Variants in LARS2 observed in about 807,000 individuals in gnomAD.
LARS2 encodes leucyl-tRNA synthetase 2, mitochondrial, also known as leucine--tRNA ligase, mitochondrial.
A neutral mutation model predicts 116.6 loss-of-function variants in LARS2; 81 were observed. The ratio of observed to expected loss-of-function variants is 0.69; its 90% CI spans 0.58 to 0.84. LARS2 has a LOEUF of 0.84. LARS2 is among the 40% of genes least tolerant of loss of function. The pLI, the probability that LARS2 is intolerant of heterozygous loss-of-function variation, is 0.00. For synonymous variants in LARS2, 396 were observed against 407.2 expected (o/e 0.97, Z 0.33); for missense variants, 968 against 1,114.5 (o/e 0.87, Z 1.87).
At chr3:45,492,247 A>G (rs930193046) in intron 13 of LARS2, among the ~76,000 whole-genome samples, 3 of 152,220 alleles carry the variant, frequency 2.0e-5, no homozygotes, top group African/African-American at 7.2e-5. Flanking sequence ...AGTAGTTGCT[A>G]AGAGAGCAAG....
chr3:45,544,544 A>G (rs1235779424), intron 21 of LARS2, among the ~76,000 whole-genome samples: 3 of 152,176 alleles, frequency 2.0e-5, no homozygotes, highest in Non-Finnish European at 4.4e-5. Flanking sequence ...AGAACTTCCC[A>G]GGTGTGAGCT....
rs780865850 is a variant in LARS2, at chr3:45,394,673, A to G, written c.220A>G (p.Ile74Val). Residue 74 changes from isoleucine (I) to valine (V), a missense_variant, in exon 3 of 22, where the codon ATT (isoleucine) becomes GTT (valine). Coordinates refer to ENST00000645846, the MANE Select transcript of LARS2 (RefSeq NM_015340.4). The part of the protein sequence containing the change: ...HQRIKEQASK[I>V]SEADKSKPKF... ...ACGAATAAAAGAACAGGCCTCCAAA[A>G]TTTCAGAAGCTGATGTGAGTATTCT... The G allele has an allele frequency of 4.3e-6, 7 of 1,611,730 alleles. No homozygotes were observed. The Admixed American group carries it at 1.2e-4, about 27-fold the overall frequency.
chr3:45,505,650 C>T (rs888253662), intron 15 of LARS2, among the ~76,000 whole-genome samples: 2 of 151,968 alleles, frequency 1.3e-5, no homozygotes, highest in African/African-American at 2.4e-5. Flanking sequence ...ATGATTGCCA[C>T]TGCACGCTAG....
intron 10 of LARS2, 46 bp from the exon 11 acceptor site, chr3:45,485,646 G>T: frequency 9.7e-7 from 1 of 1,032,724 alleles, no homozygotes; most frequent in Non-Finnish European, 1.5e-6. Context: ...GATGGTGTTG[G>T]TGTCTCAGTT....
At chr3:45,491,865 C>A in intron 13 of LARS2, 65 bp downstream of exon 13, 2 of 1,459,842 alleles carry the variant, frequency 1.4e-6, no homozygotes, top group Non-Finnish European at 1.9e-6. Flanking sequence ...GGGCTTCAGA[C>A]AGCCTCCTCC....
At chr3:45,429,518 G>A (rs1247443131) in intron 6 of LARS2, among the ~76,000 whole-genome samples, 1 of 152,142 alleles carries the variant, frequency 6.6e-6, no homozygotes, top group Non-Finnish European at 1.5e-5. Context: ...GCCAGAGGAA[G>A]ATTTCTGCTT....
chr3:45,460,354 T>C (rs1191482688), intron 8 of LARS2, among the ~76,000 whole-genome samples: 3 of 152,212 alleles, frequency 2.0e-5, no homozygotes, highest in African/African-American at 7.2e-5. Flanking sequence ...TGGGGTCCAC[T>C]ACATTACTGG....
At chr3:45,443,260 G>T (rs890076490) in intron 6 of LARS2, among the ~76,000 whole-genome samples, 2 of 152,208 alleles carry the variant, frequency 1.3e-5, no homozygotes, top group Non-Finnish European at 2.9e-5. Context: ...ATAGACTCTT[G>T]ATTTCTAGCC....
chr3:45,474,534 A>T (rs529102408), intron 9 of LARS2, among the ~76,000 whole-genome samples, 184 bp downstream of exon 9: 2 of 152,248 alleles, frequency 1.3e-5, no homozygotes, highest in Admixed American at 1.3e-4. Flanking sequence ...TTTCAATAAC[A>T]TATTTTATTT....
At chr3:45,477,775 A>C (rs1035245744) in intron 10 of LARS2, among the ~76,000 whole-genome samples, 1 of 152,228 alleles carries the variant, frequency 6.6e-6, no homozygotes, top group Non-Finnish European at 1.5e-5. Flanking sequence ...CATTTGACTA[A>C]AAAAATGTTT....
At position 45,446,977 on chromosome 3, in the gene LARS2, G is replaced by A. The variant is rs1481578684; in HGVS notation, c.603G>A (p.Lys201=). The A allele has an allele frequency of 1.9e-6, 3 of 1,572,368 alleles. No homozygotes were observed. In the African/African-American group the frequency reaches 4.1e-5, roughly 21 times the overall value. The part of the protein sequence containing the change: ...KLYEAGLAYQ[K]EALVNWDPVD... ...ATGAGGCTGGGCTGGCCTATCAAAA[G>A]GAGGTAAGTTAAAATTAGCTGGACT... is the stretch of plus-strand genomic sequence containing the variant. The change falls in exon 7 of 22, where the codon AAG becomes AAA. Residue 201 remains lysine (K), a synonymous_variant. Coordinates refer to ENST00000645846, the MANE Select transcript of LARS2 (RefSeq NM_015340.4).
chr3:45,461,450 G>T (rs936334458), intron 8 of LARS2, among the ~76,000 whole-genome samples: 1 of 151,890 alleles, frequency 6.6e-6, no homozygotes, highest in African/African-American at 2.4e-5. Context: ...GAGCCAAGCA[G>T]AAAGGCTCAA....
At chr3:45,480,108 G>T (rs1384459623) in intron 10 of LARS2, among the ~76,000 whole-genome samples, 2 of 152,140 alleles carry the variant, frequency 1.3e-5, no homozygotes, top group African/African-American at 4.8e-5. Flanking sequence ...TAATTCTGGG[G>T]TAATGGTTTG....
chr3:45,479,297 G>C (rs1559482094), intron 10 of LARS2, among the ~76,000 whole-genome samples: 1 of 152,152 alleles, frequency 6.6e-6, no homozygotes, highest in Non-Finnish European at 1.5e-5. Flanking sequence ...GGACCTTGTG[G>C]GTAGAGAAGA....
intron 17 of LARS2, 55 bp downstream of exon 17, chr3:45,516,331 G>A: frequency 1.3e-6 from 2 of 1,527,120 alleles, no homozygotes; most frequent in East Asian, 2.3e-5. Context: ...CCTGGACTTT[G>A]AAGGAGTTTG....
chr3:45,454,683 AAT>A (rs1191009224), intron 7 of LARS2, among the ~76,000 whole-genome samples: 3 of 152,230 alleles, frequency 2.0e-5, no homozygotes, highest in Non-Finnish European at 4.4e-5. Context: ...CAGGGAAATG[AAT>A]AGAGTCAGTG....
intron 4 of LARS2, among the ~76,000 whole-genome samples, chr3:45,408,293 G>A (rs909614428): frequency 1.3e-5 from 2 of 152,254 alleles, no homozygotes; most frequent in Non-Finnish European, 2.9e-5. Flanking sequence ...CCATGGCCAT[G>A]TGGCTACCGG....
intron 19 of LARS2, among the ~76,000 whole-genome samples, chr3:45,523,664 C>A (rs1700488996): frequency 6.6e-6 from 1 of 151,674 alleles, no homozygotes; most frequent in African/African-American, 2.4e-5. Flanking sequence ...GTAACTGGGA[C>A]TATAGGTGTG....
chr3:45,444,356 TA>T (rs1698976797), intron 6 of LARS2, among the ~76,000 whole-genome samples: 1 of 86 alleles, frequency 0.012, no homozygotes, highest in African/African-American at 0.056. Flanking sequence ...ACCATCAACC[TA>T]GGGGAAAAAA....
Sources: allele counts gnomAD v4.1 joint callset (sites outside exome capture counted in the v4.1 genomes callset), GRCh38; gene constraint gnomAD v4.1.1; transcripts MANE v1.5; gene names NCBI Gene and HGNC (gene_info 2026-07-23, HGNC 2026-07-21).